ITPKB: variants seen among roughly 807,000 people sequenced by gnomAD.
The protein encoded by ITPKB is IP3 3-kinase B.
In ITPKB, 13 loss-of-function variants were observed where a neutral mutation model predicts 69.4. That is an observed-to-expected ratio of 0.19 (90% CI 0.12 to 0.30). The LOEUF (loss-of-function observed/expected upper bound fraction) is 0.30. ITPKB is among the 10% of genes least tolerant of loss of function. The probability of loss-of-function intolerance (pLI) is 1.00; values close to 1 mark genes in which losing one functional copy is unlikely to be tolerated. For synonymous variants in ITPKB, 584 were observed against 513.7 expected (o/e 1.14, Z -1.85); for missense variants, 1,240 against 1,250.5 (o/e 0.99, Z 0.13).
chr1:226,736,190 A>T lies in ITPKB; in HGVS notation c.1269T>A (p.Pro423=). 2 of 1,543,912 alleles carry T rather than the reference A, an allele frequency of 1.3e-6. No individual in the cohort carries two copies. Among genetic ancestry groups the T allele is most frequent in the Middle Eastern group, 1.8e-4 (1 of 5,682 alleles). Residue 423 remains proline, a synonymous_variant, in exon 2 of 8, where the codon CCT becomes CCA. Transcript: ENST00000429204. ...CGGGGGCCCCACTTCGGGCCTCCTC[A>T]GGGCCTACGGAGGCCAGGGCCCTGG... The part of the protein sequence containing the change: ...RLPRALASVG[P]EEARSGAPVG...
intron 2 of ITPKB, among the ~76,000 whole-genome samples, chr1:226,723,951 A>G (rs1372800894): frequency 6.6e-6 from 1 of 152,142 alleles, no homozygotes. Flanking sequence ...TTCGACAATT[A>G]GCTGTACTTG....
intron 2 of ITPKB, among the ~76,000 whole-genome samples, chr1:226,710,576 C>T (rs1302365878): frequency 6.6e-6 from 1 of 152,238 alleles, no homozygotes; most frequent in Non-Finnish European, 1.5e-5. Flanking sequence ...CCGTCCTCTA[C>T]CAGGTGCTGG....
At chr1:226,654,425 CACATTTTG>C (rs1669249955) in intron 2 of ITPKB, among the ~76,000 whole-genome samples, 1 of 152,176 alleles carries the variant, frequency 6.6e-6, no homozygotes, top group Non-Finnish European at 1.5e-5. Flanking sequence ...CAGGGCATGC[CACATTTTG>C]TCTCCCTTTT....
chr1:226,671,381 A>G lies in ITPKB; in HGVS notation c.1933-22610T>C, dbSNP rs145618281. On this transcript the variant is annotated intron_variant, in intron 2 of 7. Coordinates refer to ENST00000429204, the MANE Select transcript of ITPKB (RefSeq NM_002221.4). ...GGAATCCATCTTTGTACTCCTTGCT[A>G]CAAATGTGATGCCAAGTAAAAGAAC... Among the ~76,000 whole-genome samples the G allele has an allele frequency of 1.7e-3, 256 of 152,358 alleles. 2 individuals carry two copies. The highest frequency in any genetic ancestry group is 6.0e-3 in the African/African-American group (249 of 41,596).
chr1:226,705,483 C>G (rs768599176), intron 2 of ITPKB, among the ~76,000 whole-genome samples: 4 of 150,258 alleles, frequency 2.7e-5, no homozygotes, highest in Non-Finnish European at 5.9e-5. Flanking sequence ...GAGCCAAGAT[C>G]GCACCATTGC....
chr1:226,652,066 AG>A (rs1373728082), intron 2 of ITPKB, among the ~76,000 whole-genome samples: 12 of 152,352 alleles, frequency 7.9e-5, no homozygotes, highest in African/African-American at 2.9e-4. Context: ...AGCAGCACAC[AG>A]GGTTTCCCCA....
chr1:226,639,102 G>C (rs553339740), intron 6 of ITPKB, among the ~76,000 whole-genome samples: 8 of 140,670 alleles, frequency 5.7e-5, no homozygotes, highest in Admixed American at 2.3e-4. Flanking sequence ...TTGTTGCCCA[G>C]GCTGAAGTGC....
Position 226,637,150 on chromosome 1 carries a change from G to A in ITPKB, c.2625+529C>T, listed in dbSNP as rs1432866532. ...CATGTCAGGGTCTCACACCCCTCCAGGGAACCTGCCGACACCTCCCAGAGC... is the reference window on the plus strand; with the variant it reads ...CATGTCAGGGTCTCACACCCCTCCAAGGAACCTGCCGACACCTCCCAGAGC... On this transcript the variant is annotated intron_variant, in intron 7 of 7. Coordinates refer to ENST00000429204, the MANE Select transcript of ITPKB (RefSeq NM_002221.4). The surrounding 1 kb of genome is among the most constrained non-coding windows in gnomAD (Gnocchi z 4.3). Among the ~76,000 whole-genome samples, 1 of 152,172 alleles carries A rather than the reference G, an allele frequency of 6.6e-6. No individual in the cohort carries two copies.
chr1:226,665,593 G>A (rs183350204), intron 2 of ITPKB, among the ~76,000 whole-genome samples: 15 of 152,236 alleles, frequency 9.9e-5, no homozygotes, highest in Admixed American at 9.2e-4. Context: ...CGGAGGAAAC[G>A]ACAGATCACA....
rs1257544580 is a variant in ITPKB at position 226,737,158 on chromosome 1, T to C, written c.301A>G (p.Ser101Gly). 1 of 1,595,812 alleles carries C rather than the reference T, an allele frequency of 6.3e-7. No individual in the cohort carries two copies. Among genetic ancestry groups the C allele is most frequent in the Non-Finnish European group, 8.5e-7 (1 of 1,178,124 alleles). ...TCCCCTCGCAGGCGACCAGCCCAACTTGGGCTGCTCACGCTACTGCCGCTG... is the reference window on the plus strand; with the variant it reads ...TCCCCTCGCAGGCGACCAGCCCAACCTGGGCTGCTCACGCTACTGCCGCTG... ...GSSGSSVSSP[S>G]WAGRLRGDRQ... The change falls in exon 2 of 8, where the codon AGT (serine) becomes GGT (glycine). Residue 101 changes from serine to glycine, a missense_variant. Around this residue, in one of 2 missense-constraint regions of ITPKB, gnomAD observed 992 missense variants for 853.8 expected, o/e 1.16. Transcript: ENST00000429204.
At chr1:226,688,087 C>G (rs573339879) in intron 2 of ITPKB, among the ~76,000 whole-genome samples, 1 of 152,228 alleles carries the variant, frequency 6.6e-6, no homozygotes, top group African/African-American at 2.4e-5. Flanking sequence ...GCCCAAGCCT[C>G]TGGCAAGAAA....
At chr1:226,663,252 G>A (rs1025477871) in intron 2 of ITPKB, among the ~76,000 whole-genome samples, 4 of 152,154 alleles carry the variant, frequency 2.6e-5, no homozygotes, top group African/African-American at 7.2e-5. Context: ...TTCCCCACGT[G>A]ACAGGAGCCT....
At chr1:226,661,935 C>G (rs1669410360) in intron 2 of ITPKB, among the ~76,000 whole-genome samples, 1 of 152,154 alleles carries the variant, frequency 6.6e-6, no homozygotes. Flanking sequence ...AAGGTGTAGG[C>G]CACAGCCAGG....
intron 2 of ITPKB, among the ~76,000 whole-genome samples, chr1:226,655,628 C>T (rs1235196703): frequency 6.6e-6 from 1 of 152,234 alleles, no homozygotes; most frequent in Admixed American, 6.5e-5. Context: ...GCAGTGCTGT[C>T]TGAGCCAGTC....
chr1:226,737,905 A>G (rs1475065112), intron 1 of ITPKB, among the ~76,000 whole-genome samples: 1 of 152,036 alleles, frequency 6.6e-6, no homozygotes, highest in Non-Finnish European at 1.5e-5. Context: ...GATGCGCTTT[A>G]TGAGGTCCCT....
intron 2 of ITPKB, among the ~76,000 whole-genome samples, chr1:226,716,669 A>G (rs1657104555): frequency 1.3e-5 from 2 of 152,162 alleles, no homozygotes; most frequent in African/African-American, 4.8e-5. Flanking sequence ...TTCAAAACGT[A>G]CCAAAACGGA....
At position 226,702,688 on chromosome 1, in the gene ITPKB, G is replaced by A. The variant is rs533051768; in HGVS notation, c.1932+32839C>T. Among the ~76,000 whole-genome samples, 4 of 152,318 alleles carry A rather than the reference G, an allele frequency of 2.6e-5. No homozygotes were observed. The South Asian group carries it at 8.3e-4, about 32-fold the overall frequency. On this transcript the variant is annotated intron_variant, in intron 2 of 7. Transcript: ENST00000429204. ...TCTTTATTCGGCAGATGGTAATGAA[G>A]ACCCATTGGGAGGGTGCCTTCCCAT... is the stretch of plus-strand genomic sequence containing the variant.
intron 2 of ITPKB, among the ~76,000 whole-genome samples, chr1:226,720,767 C>T (rs1473449749): frequency 2.0e-5 from 3 of 152,026 alleles, no homozygotes; most frequent in Non-Finnish European, 4.4e-5. Flanking sequence ...ATTGGCCGGG[C>T]GCGGCCGGGC....
intron 2 of ITPKB, chr1:226,707,523 C>T: frequency 2.0e-6 from 2 of 985,128 alleles, no homozygotes; most frequent in African/African-American, 3.5e-5. Context: ...AAGAGAAAAA[C>T]ATGGAATGGA....
Sources: allele counts gnomAD v4.1 joint callset (sites outside exome capture counted in the v4.1 genomes callset), GRCh38; gene constraint gnomAD v4.1.1; regional missense constraint gnomAD v4.1.1; non-coding constraint Gnocchi (gnomAD v3.1); transcripts MANE v1.5; gene names NCBI Gene and HGNC (gene_info 2026-07-23, HGNC 2026-07-21).